TPTE: variants seen among roughly 807,000 people sequenced by gnomAD.
The protein encoded by TPTE is putative tyrosine-protein phosphatase TPTE.
In TPTE, 59 loss-of-function variants were observed where a neutral mutation model predicts 84.1. That is an observed-to-expected ratio of 0.70 (90% CI 0.57 to 0.87). The LOEUF is 0.87. Ranked by LOEUF, TPTE falls within the 40% of genes least tolerant of loss-of-function variation. The pLI, the probability that TPTE is intolerant of heterozygous loss-of-function variation, is 0.00. For missense variants in TPTE, 382 were observed against 659.6 expected (o/e 0.58, Z 4.61); for synonymous variants, 130 against 223.5 (o/e 0.58, Z 3.73).
chr21:10,587,950 G>C (rs1198061135), intron 17 of TPTE, among the ~76,000 whole-genome samples: 455 of 150,838 alleles, frequency 3.0e-3, no homozygotes, highest in African/African-American at 0.011. Flanking sequence ...CTGGGTTCAA[G>C]CGATTCTCCT....
At chr21:10,599,817 T>C (rs1472123898) in intron 21 of TPTE, among the ~76,000 whole-genome samples, 3 of 152,100 alleles carry the variant, frequency 2.0e-5, no homozygotes, top group Non-Finnish European at 2.9e-5. Context: ...GTTAGTTAGT[T>C]AGTTAGTTAG....
At chr21:10,555,392 G>C (rs1476438630) in intron 8 of TPTE, among the ~76,000 whole-genome samples, 1 of 152,308 alleles carries the variant, frequency 6.6e-6, no homozygotes, top group East Asian at 1.9e-4. Flanking sequence ...ATTTTTAGTA[G>C]AGATGGAGTT....
chr21:10,553,299 G>A (rs1348036732), intron 8 of TPTE, among the ~76,000 whole-genome samples: 1 of 152,302 alleles, frequency 6.6e-6, no homozygotes, highest in African/African-American at 2.4e-5. Flanking sequence ...ATATTCAGGA[G>A]ATTTTTCTTC....
At chr21:10,536,969 C>T (rs565406481) in intron 3 of TPTE, among the ~76,000 whole-genome samples, 1 of 152,308 alleles carries the variant, frequency 6.6e-6, no homozygotes, top group South Asian at 2.1e-4. Context: ...GGCAGGGTTC[C>T]TCACACCCAG....
At chr21:10,586,674 T>A (rs368290592) in intron 17 of TPTE, among the ~76,000 whole-genome samples, 1 of 152,256 alleles carries the variant, frequency 6.6e-6, no homozygotes, top group Non-Finnish European at 1.5e-5. Context: ...TTGGAAGTCA[T>A]ATACTGTTTT....
intron 14 of TPTE, among the ~76,000 whole-genome samples, chr21:10,571,875 C>T (rs868746628): frequency 4.3e-3 from 648 of 151,186 alleles, no homozygotes; most frequent in African/African-American, 0.015. Context: ...TTTGGTGGTG[C>T]ATGCCTGCCA....
At chr21:10,541,510 A>G (rs62212566) in intron 5 of TPTE, among the ~76,000 whole-genome samples, 2,775 of 151,316 alleles carry the variant, frequency 0.018, no homozygotes, top group Middle Eastern at 0.035. Context: ...ACACACACAC[A>G]AAACAGTGAC....
At chr21:10,549,965 G>A (rs2074542779) in intron 7 of TPTE, among the ~76,000 whole-genome samples, 1 of 152,306 alleles carries the variant, frequency 6.6e-6, no homozygotes, top group Non-Finnish European at 1.5e-5. Flanking sequence ...ACTAACAGCT[G>A]ATTTCCCAGT....
intron 7 of TPTE, among the ~76,000 whole-genome samples, chr21:10,551,751 A>G (rs1164534881): frequency 1.3e-5 from 2 of 152,416 alleles, no homozygotes; most frequent in Admixed American, 6.5e-5. Context: ...AATGACAGAA[A>G]TAAAAATAAT....
intron 1 of TPTE, among the ~76,000 whole-genome samples, chr21:10,522,998 C>A (rs2145563741): frequency 6.6e-6 from 1 of 152,428 alleles, no homozygotes; most frequent in East Asian, 1.9e-4. Flanking sequence ...GTCCTATCAA[C>A]CTTGTCTATT....
At chr21:10,537,333 C>CTA (rs2074283779) in intron 3 of TPTE, among the ~76,000 whole-genome samples, 1 of 152,306 alleles carries the variant, frequency 6.6e-6, no homozygotes, top group Non-Finnish European at 1.5e-5. Flanking sequence ...ACTGCCAAGT[C>CTA]TAAATTCAAA....
chr21:10,576,877 A>ATATG (rs2075165361), intron 14 of TPTE, among the ~76,000 whole-genome samples: 1 of 140,872 alleles, frequency 7.1e-6, no homozygotes, highest in African/African-American at 2.6e-5. Flanking sequence ...ATATATATAT[A>ATATG]GACACACACT....
At chr21:10,563,074 A>C (rs1032552511) in intron 10 of TPTE, among the ~76,000 whole-genome samples, 8 of 152,308 alleles carry the variant, frequency 5.3e-5, no homozygotes, top group African/African-American at 1.9e-4. Context: ...CTTTAGTAGA[A>C]ACGTTTCAGG....
At chr21:10,558,574 A>G (rs2074729956) in intron 8 of TPTE, among the ~76,000 whole-genome samples, 1 of 152,302 alleles carries the variant, frequency 6.6e-6, no homozygotes, top group African/African-American at 2.4e-5. Flanking sequence ...GTTCATGTCA[A>G]AGGCCAATTG....
intron 3 of TPTE, among the ~76,000 whole-genome samples, chr21:10,536,827 A>G (rs1374497881): frequency 3.3e-5 from 5 of 152,310 alleles, no homozygotes; most frequent in Non-Finnish European, 7.3e-5. Context: ...TACTTAGGAA[A>G]GTCAGATTTC....
intron 1 of TPTE, among the ~76,000 whole-genome samples, chr21:10,522,064 C>T (rs1248457270): frequency 6.6e-6 from 1 of 151,836 alleles, no homozygotes; most frequent in Non-Finnish European, 1.5e-5. Context: ...GCGCGCCCCC[C>T]GCCCGCGCCA....
At chr21:10,544,537 A>G (rs1349495996) in intron 7 of TPTE, among the ~76,000 whole-genome samples, 1 of 152,302 alleles carries the variant, frequency 6.6e-6, no homozygotes. Context: ...GTCATGTGCC[A>G]CCATGCCAGA....
intron 1 of TPTE, among the ~76,000 whole-genome samples, chr21:10,524,364 T>C (rs2074042028): frequency 6.6e-6 from 1 of 152,310 alleles, no homozygotes. Flanking sequence ...CCAGGGACCT[T>C]ACAGAGTCCC....
At chr21:10,601,026 A>G (rs1193116241) in intron 21 of TPTE, among the ~76,000 whole-genome samples, 1 of 152,294 alleles carries the variant, frequency 6.6e-6, no homozygotes, top group Non-Finnish European at 1.5e-5. Context: ...CAGAAAATAA[A>G]AAACCGTGAT....
Sources: gnomAD v4.1 joint callset for allele counts (sites outside exome capture counted in the v4.1 genomes callset) on GRCh38, gnomAD v4.1.1 for gene constraint, MANE v1.5 for transcripts, NCBI Gene and HGNC (gene_info 2026-07-23, HGNC 2026-07-21) for gene names.